CTNNA2: variants seen among roughly 807,000 people sequenced by gnomAD.
The protein encoded by CTNNA2 is catenin alpha-2.
CTNNA2 carries 42 observed loss-of-function variants against 101.0 expected under a neutral mutation model. The ratio of observed to expected loss-of-function variants is 0.42; its 90% CI spans 0.32 to 0.54. CTNNA2 has a LOEUF of 0.54. Among genes scored for constraint, CTNNA2 ranks in the 20% least tolerant of loss-of-function variants. The probability of loss-of-function intolerance (pLI) is 0.14; values close to 1 mark genes in which losing one functional copy is unlikely to be tolerated. For synonymous variants in CTNNA2, 450 were observed against 456.4 expected (o/e 0.99, Z 0.18); for missense variants, 871 against 1,223.1 (o/e 0.71, Z 4.29).
At chr2:80,270,061 G>A (rs1673339196) in intron 7 of CTNNA2, among the ~76,000 whole-genome samples, 1 of 152,176 alleles carries the variant, frequency 6.6e-6, no homozygotes. Context: ...GCCAAATCCA[G>A]GTGTGTTTAT....
intron 2 of CTNNA2, among the ~76,000 whole-genome samples, chr2:79,657,983 A>G (rs1209672370): frequency 1.3e-5 from 2 of 151,928 alleles, no homozygotes; most frequent in Non-Finnish European, 2.9e-5. Context: ...TATCATTACA[A>G]GTAATATGAA....
At chr2:79,774,884 A>T (rs1396467669) in intron 3 of CTNNA2, among the ~76,000 whole-genome samples, 1 of 152,182 alleles carries the variant, frequency 6.6e-6, no homozygotes, top group East Asian at 1.9e-4. Flanking sequence ...CTTTCTTCTG[A>T]CCTTCAGCAT....
At chr2:79,268,585 G>A (rs1675018722) in intron 2 of CTNNA2, among the ~76,000 whole-genome samples, 2 of 152,104 alleles carry the variant, frequency 1.3e-5, no homozygotes, top group South Asian at 4.1e-4. Context: ...AAAACAACCT[G>A]GGGCTTGTGA....
chr2:80,254,050 G>A (rs1382982900), intron 7 of CTNNA2, among the ~76,000 whole-genome samples: 1 of 152,094 alleles, frequency 6.6e-6, no homozygotes, highest in African/African-American at 2.4e-5. Context: ...CTTGCCAGTT[G>A]AATTCAAATC....
chr2:80,023,915 G>A (rs1412664071), intron 7 of CTNNA2, among the ~76,000 whole-genome samples: 4 of 151,550 alleles, frequency 2.6e-5, no homozygotes, highest in African/African-American at 4.8e-5. Context: ...GTGAAACCCC[G>A]TCTCTACTAA....
At position 79,902,920 on chromosome 2, in the gene CTNNA2, C is replaced by T. The variant is rs184159135; in HGVS notation, c.853-6674C>T. Among the ~76,000 whole-genome samples, 316 of 152,260 alleles carry T rather than the reference C, an allele frequency of 2.1e-3. 1 individual carries two copies. The highest frequency in any genetic ancestry group is 7.0e-3 in the African/African-American group (291 of 41,556). Reference sequence around the variant, plus strand: ...GATTACGGGCATGAGCCACTGCGCCCGGTCAGCAAATGTTTTCTTGAAGGG... The same window carrying T: ...GATTACGGGCATGAGCCACTGCGCCTGGTCAGCAAATGTTTTCTTGAAGGG... On this transcript the variant is annotated intron_variant, in intron 6 of 18. Coordinates refer to ENST00000402739, the MANE Select transcript of CTNNA2 (RefSeq NM_001282597.3).
intron 1 of CTNNA2, among the ~76,000 whole-genome samples, chr2:79,577,356 T>C (rs1183116352): frequency 6.6e-6 from 1 of 150,876 alleles, no homozygotes; most frequent in Admixed American, 6.6e-5. Context: ...TTAAACAATG[T>C]AAGTTTAGTC....
intron 7 of CTNNA2, among the ~76,000 whole-genome samples, chr2:80,189,644 C>T (rs986989602): frequency 2.6e-5 from 4 of 152,088 alleles, no homozygotes; most frequent in Non-Finnish European, 2.9e-5. Flanking sequence ...GATGTAGAAC[C>T]TAGACCTACA....
At chr2:80,576,373 A>ATTTTTTTTTTTTTTTTTTTT in intron 13 of CTNNA2, 1 of 138,824 alleles carries the variant, frequency 7.2e-6, no homozygotes, top group Non-Finnish European at 1.5e-5. Context: ...CCATGAAACC[A>ATTTTTTTTTTTTTTTTTTTT]TTTTTTTTTT....
intron 3 of CTNNA2, among the ~76,000 whole-genome samples, chr2:79,833,863 T>C (rs753603649): frequency 9.9e-5 from 15 of 152,218 alleles, no homozygotes; most frequent in Admixed American, 3.3e-4. Flanking sequence ...TTTTCATTAG[T>C]AATATTATAT....
intron 18 of CTNNA2, among the ~76,000 whole-genome samples, chr2:80,635,008 G>C (rs1395793842): frequency 6.6e-6 from 1 of 152,106 alleles, no homozygotes; most frequent in East Asian, 1.9e-4. Flanking sequence ...GCTTACGGAT[G>C]CTTAGATCAT....
At chr2:79,458,105 G>A (rs1487531838) in intron 4 of CTNNA2, among the ~76,000 whole-genome samples, 2 of 152,128 alleles carry the variant, frequency 1.3e-5, no homozygotes, top group African/African-American at 2.4e-5. Flanking sequence ...AAGCATCTCA[G>A]GAGGAATTAG....
intron 7 of CTNNA2, among the ~76,000 whole-genome samples, chr2:80,133,583 C>T (rs1448771294): frequency 8.5e-5 from 13 of 152,068 alleles, no homozygotes; most frequent in Admixed American, 8.5e-4. Flanking sequence ...TACAATGGGA[C>T]AGAAAAGTCA....
At chr2:79,829,816 TTCACGCCGTTG>T (rs1255117373) in intron 3 of CTNNA2, among the ~76,000 whole-genome samples, 1 of 151,474 alleles carries the variant, frequency 6.6e-6, no homozygotes, top group Non-Finnish European at 1.5e-5. Context: ...GCCTCCCGGG[TTCACGCCGTTG>T]TCCTGCCTCA....
intron 7 of CTNNA2, among the ~76,000 whole-genome samples, chr2:80,153,551 G>A (rs1703830303): frequency 6.6e-6 from 1 of 152,136 alleles, no homozygotes; most frequent in Non-Finnish European, 1.5e-5. Context: ...TTTTCTCTTT[G>A]CATCAGATCA....
intron 1 of CTNNA2, among the ~76,000 whole-genome samples, chr2:79,578,821 A>G (rs1176294851): frequency 6.6e-6 from 1 of 152,044 alleles, no homozygotes; most frequent in African/African-American, 2.4e-5. Flanking sequence ...GTATGTTTTG[A>G]ATATTATCTC....
intron 7 of CTNNA2, among the ~76,000 whole-genome samples, chr2:79,986,259 T>G (rs544948622): frequency 6.6e-6 from 1 of 152,290 alleles, no homozygotes; most frequent in Admixed American, 6.5e-5. Context: ...TGCTTCTTCC[T>G]TTGAAAACAG....
intron 15 of CTNNA2, among the ~76,000 whole-genome samples, chr2:80,592,080 A>G (rs1696564167): frequency 6.6e-6 from 1 of 152,228 alleles, no homozygotes; most frequent in Non-Finnish European, 1.5e-5. Flanking sequence ...TTAATTGTAC[A>G]GCAAAGAGCA....
intron 9 of CTNNA2, among the ~76,000 whole-genome samples, chr2:80,520,562 A>T (rs531932892): frequency 6.6e-6 from 1 of 152,072 alleles, no homozygotes; most frequent in Non-Finnish European, 1.5e-5. Flanking sequence ...CTTTTTCCGG[A>T]GTTGCAGGTG....
Sources: gnomAD v4.1 joint callset for allele counts (sites outside exome capture counted in the v4.1 genomes callset) on GRCh38, gnomAD v4.1.1 for gene constraint, MANE v1.5 for transcripts, NCBI Gene and HGNC (gene_info 2026-07-23, HGNC 2026-07-21) for gene names.